HIRA: variants seen among roughly 807,000 people sequenced by gnomAD.
HIRA encodes histone cell cycle regulator.
HIRA carries 13 observed loss-of-function variants against 126.6 expected under a neutral mutation model. That is an observed-to-expected ratio of 0.10 (90% CI 0.07 to 0.16). The LOEUF (loss-of-function observed/expected upper bound fraction) is 0.16. Among genes scored for constraint, HIRA ranks in the 10% least tolerant of loss-of-function variants. The pLI is 1.00. For missense variants in HIRA, 834 were observed against 1,314.4 expected, an observed-to-expected ratio of 0.63 and a Z score of 5.65; for synonymous variants, 511 against 520.0, an observed-to-expected ratio of 0.98 and a Z score of 0.24.
In HIRA at chr22:19,396,826, G is replaced by A. The variant is rs1271319446; in HGVS notation, c.615C>T (p.Asp205=). 1 of 1,614,200 alleles carries A rather than the reference G, an allele frequency of 6.2e-7. No homozygotes were observed. The highest frequency in any genetic ancestry group is 2.2e-5 in the East Asian group (1 of 44,862). The change falls in exon 7 of 25, where the codon GAC becomes GAT. Residue 205 remains aspartate, a synonymous_variant. Coordinates refer to ENST00000263208, the MANE Select transcript of HIRA (RefSeq NM_003325.4). ...TGGTGATGCTGGTCTCCAACTGCCA[G>A]TCCAGCGTCCTCCACACCTTTAGGC... ...DRSLKVWRTL[D]WQLETSITKP...
intron 24 of HIRA, 63 bp from the exon 25 acceptor site, chr22:19,331,619 T>C: frequency 6.8e-7 from 1 of 1,465,508 alleles, no homozygotes; most frequent in Non-Finnish European, 9.2e-7. Flanking sequence ...TGTGGGGACT[T>C]TCCTGGCCTG....
At chr22:19,418,197 T>C (rs1229354068) in intron 1 of HIRA, among the ~76,000 whole-genome samples, 2 of 152,150 alleles carry the variant, frequency 1.3e-5, no homozygotes, top group African/African-American at 4.8e-5. Context: ...ATTACATACT[T>C]AAAAATGATT....
chr22:19,351,137 C>T lies in HIRA; in HGVS notation c.2937+221G>A, dbSNP rs559659936. The T allele has an allele frequency of 1.7e-5, 17 of 985,350 alleles. No individual in the cohort carries two copies. The highest frequency in any genetic ancestry group is 1.2e-4 in the Admixed American group (2 of 16,278). The allele number at this position is 985,350 out of a possible 1,614,324, so 61.0% of individuals were successfully genotyped here. On this transcript the variant is annotated intron_variant, in intron 24 of 24. Coordinates refer to ENST00000263208, the MANE Select transcript of HIRA (RefSeq NM_003325.4). This position sits in a 1 kb window ranked among gnomAD's most constrained non-coding sequence, Gnocchi z 4.8. ...CAGGCAGCCTCCCTCAGCACAGGCA[C>T]GTGGCGGAGCACTCCGTGGCTCCTG...
At chr22:19,430,825 A>C (rs996917339) in intron 1 of HIRA, among the ~76,000 whole-genome samples, 2 of 152,164 alleles carry the variant, frequency 1.3e-5, no homozygotes, top group African/African-American at 2.4e-5. Flanking sequence ...CCACAGAGCT[A>C]AGAAGCCCCT....
At chr22:19,398,158 G>T in intron 5 of HIRA, 71 bp from the exon 6 acceptor site, 1 of 1,158,510 alleles carries the variant, frequency 8.6e-7, no homozygotes, top group Non-Finnish European at 1.3e-6. Flanking sequence ...CTTGGCCAGT[G>T]CCCCTGGGAC....
chr22:19,404,352 G>A (rs1238786365), intron 5 of HIRA, among the ~76,000 whole-genome samples: 2 of 152,284 alleles, frequency 1.3e-5, no homozygotes, highest in Admixed American at 1.3e-4. Flanking sequence ...TTAGGGCCTT[G>A]TAAAAGTCCT....
chr22:19,431,367 G>C (rs2089537434), intron 1 of HIRA, 73 bp downstream of exon 1: 2 of 1,525,422 alleles, frequency 1.3e-6, no homozygotes, highest in Non-Finnish European at 1.8e-6. Context: ...CAGGACTTGC[G>C]CGCGCCCCGA....
At chr22:19,407,298 G>A (rs1206038558) in intron 3 of HIRA, 24 bp from the exon 4 acceptor site, 1 of 1,589,274 alleles carries the variant, frequency 6.3e-7, no homozygotes. Flanking sequence ...AAAATAAGGT[G>A]ATGAAAATCC....
At chr22:19,337,396 AAAG>A (rs1355037683) in intron 24 of HIRA, among the ~76,000 whole-genome samples, 10 of 152,228 alleles carry the variant, frequency 6.6e-5, no homozygotes, top group Middle Eastern at 3.4e-3. Flanking sequence ...CAATAGAATC[AAAG>A]AAGTAGAAGA....
intron 1 of HIRA, among the ~76,000 whole-genome samples, chr22:19,415,072 A>T (rs2089385244): frequency 6.6e-6 from 1 of 152,010 alleles, no homozygotes; most frequent in Non-Finnish European, 1.5e-5. Flanking sequence ...CAGCCTCCCG[A>T]GTAGCTGGGA....
rs1186302572 is a variant in HIRA at position 19,351,617 on chromosome 22, C to CG, written c.2849-172dup. On this transcript the variant is annotated intron_variant, in intron 23 of 24. Transcript: ENST00000263208. The surrounding 1 kb of genome is among the most constrained non-coding windows in gnomAD (Gnocchi z 4.8). ...CAAGACGCCCCTGCATGTCTCTCAG[C>CG]GGGGGGCACTGAGACCCATAATCAC... Among the ~76,000 whole-genome samples, 1 of 152,152 alleles carries CG rather than the reference C, an allele frequency of 6.6e-6. No homozygotes were observed. The highest frequency in any genetic ancestry group is 1.5e-5 in the Non-Finnish European group (1 of 68,026).
intron 5 of HIRA, among the ~76,000 whole-genome samples, chr22:19,402,599 T>C (rs1569308303): frequency 6.6e-6 from 1 of 152,236 alleles, no homozygotes; most frequent in Non-Finnish European, 1.5e-5. Flanking sequence ...TATCCCCCTA[T>C]GGTTTTTCCT....
intron 24 of HIRA, among the ~76,000 whole-genome samples, chr22:19,341,643 G>C (rs2088630495): frequency 6.6e-6 from 1 of 151,980 alleles, no homozygotes; most frequent in Non-Finnish European, 1.5e-5. Flanking sequence ...CAGAAATAAA[G>C]CCAAATACTT....
At chr22:19,331,644 G>C (rs781823314) in intron 24 of HIRA, 88 bp from the exon 25 acceptor site, 2 of 1,217,366 alleles carry the variant, frequency 1.6e-6, no homozygotes, top group Admixed American at 4.5e-5. Flanking sequence ...AGAACCTTGT[G>C]TCTGCTCACG....
intron 1 of HIRA, 140 bp downstream of exon 1, chr22:19,431,300 G>T: frequency 1.1e-6 from 1 of 940,832 alleles, no homozygotes; most frequent in Non-Finnish European, 1.6e-6. Flanking sequence ...GACAAAGTCC[G>T]CTCCCGCCGG....
At position 19,386,016 on chromosome 22, in the gene HIRA, G is replaced by A. The variant is rs1456761386; in HGVS notation, c.1114-280C>T. ...AAGACAACACCTGCCCCACAGTCTGGTGGAGAACAAATGACAATCCACAGT... is the reference window on the plus strand; with the variant it reads ...AAGACAACACCTGCCCCACAGTCTGATGGAGAACAAATGACAATCCACAGT... On this transcript the variant is annotated intron_variant, in intron 11 of 24. Coordinates refer to ENST00000263208, the MANE Select transcript of HIRA (RefSeq NM_003325.4). 2.0e-5 allele frequency among the ~76,000 whole-genome samples: 3 copies of A among 152,236 alleles called. No individual in the cohort carries two copies. The East Asian group carries it at 5.8e-4, about 29-fold the overall frequency.
rs138676521 is a variant in HIRA at position 19,332,422 on chromosome 22, C to G, written c.2938-866G>C. The stretch of plus-strand genomic sequence containing the variant: ...AGCAGCCCACACTCCAACAGGGAGG[C>G]TCTGACACCAGAGTGCCATAGTCAG... On this transcript the variant is annotated intron_variant, in intron 24 of 24. Coordinates refer to ENST00000263208, the MANE Select transcript of HIRA (RefSeq NM_003325.4). Among the ~76,000 whole-genome samples the G allele has an allele frequency of 9.5e-3, 1,441 of 152,280 alleles. 11 individuals carry two copies. Among genetic ancestry groups the G allele is most frequent in the Non-Finnish European group, 0.016 (1,117 of 68,028 alleles).
At chr22:19,371,610 C>A (rs967090431) in intron 15 of HIRA, among the ~76,000 whole-genome samples, 1 of 145,606 alleles carries the variant, frequency 6.9e-6, no homozygotes, top group African/African-American at 2.8e-5. Flanking sequence ...AAACTCTGTA[C>A]CCATTGGTAC....
intron 11 of HIRA, among the ~76,000 whole-genome samples, chr22:19,386,336 G>C (rs1184628257): frequency 6.6e-6 from 1 of 152,180 alleles, no homozygotes. Context: ...AAGCTAGACA[G>C]GAGCCTCATG....
Sources: gnomAD v4.1 joint callset for allele counts (sites outside exome capture counted in the v4.1 genomes callset) on GRCh38, gnomAD v4.1.1 for gene constraint, Gnocchi (gnomAD v3.1) non-coding constraint, MANE v1.5 for transcripts, NCBI Gene and HGNC (gene_info 2026-07-23, HGNC 2026-07-21) for gene names.